EXTL3: variants seen among roughly 807,000 people sequenced by gnomAD.
EXTL3 encodes exostosin-like 3.
Under a neutral mutation model 69.3 loss-of-function variants are expected in EXTL3, and 27 were observed. The ratio of observed to expected loss-of-function variants is 0.39; its 90% CI spans 0.29 to 0.54. EXTL3 has a LOEUF of 0.54. Ranked by LOEUF, EXTL3 falls within the 20% of genes least tolerant of loss-of-function variation. EXTL3 has a pLI of 0.69. For missense variants in EXTL3, 1,003 were observed against 1,231.8 expected, an observed-to-expected ratio of 0.81 and a Z score of 2.78; for synonymous variants, 511 against 499.4, an observed-to-expected ratio of 1.02 and a Z score of -0.31.
Position 28,724,401 on chromosome 8 carries a change from T to C in EXTL3, c.2148+6194T>C, listed in dbSNP as rs143668224. ...AAACCAATGCACTGTTACCTTCTTA[T>C]TCTCTTTTCTTCCTTTGCGTTTTCT... On this transcript the variant is annotated intron_variant, in intron 3 of 6. Coordinates refer to ENST00000220562, the MANE Select transcript of EXTL3 (RefSeq NM_001440.4). 6.9e-3 allele frequency among the ~76,000 whole-genome samples: 1,051 copies of C among 152,352 alleles called. 10 individuals carry two copies. The highest frequency in any genetic ancestry group is 0.024 in the African/African-American group (983 of 41,582).
chr8:28,722,603 C>G (rs1430528624), intron 3 of EXTL3, among the ~76,000 whole-genome samples: 1 of 151,822 alleles, frequency 6.6e-6, no homozygotes, highest in African/African-American at 2.4e-5. Context: ...TAGGGAGACC[C>G]CATCTCTACA....
At chr8:28,697,924 A>G (rs1387393080), upstream of EXTL3, 3 of 152,238 alleles carry the variant, frequency 2.0e-5, no homozygotes, top group African/African-American at 4.8e-5. Flanking sequence ...AGTAGAGATA[A>G]TAAGTGCTGT....
At chr8:28,720,371 T>A (rs1801270267) in intron 3 of EXTL3, among the ~76,000 whole-genome samples, 1 of 152,116 alleles carries the variant, frequency 6.6e-6, no homozygotes, top group Admixed American at 6.5e-5. Flanking sequence ...TCCGTGCCAT[T>A]TCAGAAAGTG....
chr8:28,656,808 G>C (rs535006792), intron 1 of EXTL3, among the ~76,000 whole-genome samples: 1 of 152,038 alleles, frequency 6.6e-6, no homozygotes, highest in African/African-American at 2.4e-5. Context: ...CCCCTAAAGA[G>C]CTGAGAAAAA....
rs530529041 is a variant in EXTL3, at chr8:28,673,017, A to C, written c.-52-40440A>C. Among the ~76,000 whole-genome samples, 276 of 152,318 alleles carry C rather than the reference A, an allele frequency of 1.8e-3. 1 individual carries two copies. Among genetic ancestry groups the C allele is most frequent in the Non-Finnish European group, 2.9e-3 (198 of 68,026 alleles). On this transcript the variant is annotated intron_variant, in intron 1 of 6. Transcript: ENST00000523149. ...CTGTGGCCATGTAAGATGTGCCTTT[A>C]GCCTTCCACCACGATTGTGAGGCCT... is the stretch of plus-strand genomic sequence containing the variant.
chr8:28,717,208 GAAGGCGGTGCAGGACAGC>G lies in EXTL3; in HGVS notation c.1153_1170del (p.Ala385_Lys390del). On this transcript the variant is annotated inframe_deletion, in exon 3 of 7. Coordinates refer to ENST00000220562, the MANE Select transcript of EXTL3 (RefSeq NM_001440.4). This position sits in a 1 kb window ranked among gnomAD's most constrained non-coding sequence, Gnocchi z 8.3. Reference sequence around the variant, plus strand: ...ACGATGACCGGATCATTGCCACCCTGAAGGCGGTGCAGGACAGCAAGCTGGATCAGGTCCTGGTGGAAT... The same window carrying G: ...ACGATGACCGGATCATTGCCACCCTGAAGCTGGATCAGGTCCTGGTGGAAT... 6.2e-7 allele frequency: 1 copy of G among 1,614,248 alleles called. No individual in the cohort carries two copies. Among genetic ancestry groups the G allele is most frequent in the South Asian group, 1.1e-5 (1 of 91,088 alleles).
intron 4 of EXTL3, among the ~76,000 whole-genome samples, chr8:28,733,378 G>A (rs981468423): frequency 6.6e-6 from 1 of 151,188 alleles, no homozygotes; most frequent in Admixed American, 6.6e-5. Context: ...ATATATAAAT[G>A]TGTGTGTGTG....
At chr8:28,627,200 T>C (rs558324131) in intron 1 of EXTL3, among the ~76,000 whole-genome samples, 2 of 146,778 alleles carry the variant, frequency 1.4e-5, no homozygotes. Flanking sequence ...AAAAAAAAAA[T>C]TAAAAAAAAT....
intron 1 of EXTL3, among the ~76,000 whole-genome samples, chr8:28,669,930 C>T (rs1407098114): frequency 6.6e-6 from 1 of 151,900 alleles, no homozygotes; most frequent in Non-Finnish European, 1.5e-5. Context: ...ACTTTGAGGC[C>T]GGGTGCAGTG....
intron 1 of EXTL3, among the ~76,000 whole-genome samples, chr8:28,654,846 CTT>C (rs1398933944): frequency 6.6e-6 from 1 of 152,178 alleles, no homozygotes; most frequent in East Asian, 1.9e-4. Context: ...AAGAATGACT[CTT>C]GACTTCATTC....
chr8:28,723,675 G>A (rs1425471669), intron 3 of EXTL3, among the ~76,000 whole-genome samples: 2 of 134,104 alleles, frequency 1.5e-5, no homozygotes, highest in Non-Finnish European at 3.1e-5. Flanking sequence ...AGAGTCTCAC[G>A]CTGTTGCCCA....
At chr8:28,656,298 G>C (rs182930900) in intron 1 of EXTL3, among the ~76,000 whole-genome samples, 3 of 150,208 alleles carry the variant, frequency 2.0e-5, no homozygotes, top group Admixed American at 6.6e-5. Context: ...TCAGCCTCTT[G>C]AGTAGCTGGG....
chr8:28,735,439 G>A (rs530978250), intron 4 of EXTL3, among the ~76,000 whole-genome samples: 92 of 152,294 alleles, frequency 6.0e-4, no homozygotes, highest in African/African-American at 2.0e-3. Context: ...CCTTGCCCGT[G>A]CTATTTTCCA....
intron 1 of EXTL3, among the ~76,000 whole-genome samples, chr8:28,639,869 A>G (rs1205672719): frequency 6.6e-6 from 1 of 152,194 alleles, no homozygotes; most frequent in Admixed American, 6.5e-5. Context: ...TTGGGAGGCC[A>G]AGGTGGGCAG....
intron 1 of EXTL3, among the ~76,000 whole-genome samples, chr8:28,705,902 A>G (rs1800912870): frequency 6.6e-6 from 1 of 152,216 alleles, no homozygotes; most frequent in Admixed American, 6.5e-5. Flanking sequence ...GAAATCACCT[A>G]TAATTTCACA....
chr8:28,710,487 A>G (rs1293984065), intron 1 of EXTL3: 5 of 456,322 alleles, frequency 1.1e-5, no homozygotes, highest in Non-Finnish European at 2.2e-5. Flanking sequence ...AGACACTTTG[A>G]TAGGAGAAAT....
chr8:28,650,356 C>CT (rs1231619136), intron 1 of EXTL3, among the ~76,000 whole-genome samples: 1 of 150,708 alleles, frequency 6.6e-6, no homozygotes, highest in African/African-American at 2.4e-5. Flanking sequence ...ATTGTATTTA[C>CT]TTATTATTAT....
chr8:28,682,453 A>AT (rs1038996388), intron 1 of EXTL3, among the ~76,000 whole-genome samples: 1 of 151,274 alleles, frequency 6.6e-6, no homozygotes, highest in African/African-American at 2.4e-5. Context: ...TTTTTATTTT[A>AT]TTTTTTTGAG....
chr8:28,697,866 GT>G, upstream of EXTL3: 1 of 151,058 alleles, frequency 6.6e-6, no homozygotes. Flanking sequence ...ATACATGACT[GT>G]TAAACAACAA....
Sources: gnomAD v4.1 joint callset for allele counts (sites outside exome capture counted in the v4.1 genomes callset) on GRCh38, gnomAD v4.1.1 for gene constraint, Gnocchi (gnomAD v3.1) non-coding constraint, MANE v1.5 for transcripts, NCBI Gene and HGNC (gene_info 2026-07-23, HGNC 2026-07-21) for gene names.